Variants in UBR4 observed in about 807,000 individuals in gnomAD.
The protein encoded by UBR4 is E3 ubiquitin-protein ligase UBR4.
Under a neutral mutation model 575.6 loss-of-function variants are expected in UBR4, and 124 were observed. The ratio of observed to expected loss-of-function variants is 0.22; its 90% CI spans 0.19 to 0.25. The LOEUF (loss-of-function observed/expected upper bound fraction) is 0.25, where lower values mean the gene tolerates loss of function less well. Ranked by LOEUF, UBR4 falls within the 10% of genes least tolerant of loss-of-function variation. The pLI, the probability that UBR4 is intolerant of heterozygous loss-of-function variation, is 1.00. For synonymous variants in UBR4, 2,455 were observed against 2,473.7 expected (o/e 0.99, Z 0.22); for missense variants, 4,818 against 6,478.8 (o/e 0.74, Z 8.80).
In UBR4 at chr1:19,104,133, G is replaced by A. The variant is rs1435734217; in HGVS notation, c.12852C>T (p.Ile4284=). The stretch of plus-strand genomic sequence containing the variant: ...CCAGCAGCATGTCCTGCGTCTCATC[G>A]ATCAGCTTGGTCCTCTGCACCACCA... The part of the protein sequence containing the change: ...RKLVVQRTKL[I]DETQDMLLEM... The change falls in exon 87 of 106, where the codon ATC becomes ATT. Residue 4284 remains isoleucine (I), a synonymous_variant. Coordinates refer to ENST00000375254, the MANE Select transcript of UBR4 (RefSeq NM_020765.3). 11 of 1,614,054 alleles carry A rather than the reference G, an allele frequency of 6.8e-6. 1 individual carries two copies. The highest frequency in any genetic ancestry group is 2.2e-5 in the East Asian group (1 of 44,888).
chr1:19,141,203 C>T, intron 57 of UBR4, 144 bp downstream of exon 57: 1 of 1,120,770 alleles, frequency 8.9e-7, no homozygotes, highest in South Asian at 1.5e-5. Context: ...TCACTCTCCA[C>T]CTGTATCTCT....
In UBR4 at chr1:19,184,003, C is replaced by T. The variant is rs780045061; in HGVS notation, c.2098+13G>A. 6.2e-7 allele frequency: 1 copy of T among 1,614,014 alleles called. No individual in the cohort carries two copies. The highest frequency in any genetic ancestry group is 1.3e-5 in the African/African-American group (1 of 74,926). On this transcript the variant is annotated intron_variant, in intron 16 of 105. Transcript: ENST00000375254. The stretch of plus-strand genomic sequence containing the variant: ...GAAAAAAAATCCATCAGGCACATAT[C>T]TTGTCTACTGACCCTTGAGTCCATC...
At chr1:19,136,914 C>T (rs1049410249) in intron 60 of UBR4, among the ~76,000 whole-genome samples, 5 of 152,070 alleles carry the variant, frequency 3.3e-5, no homozygotes, top group Non-Finnish European at 5.9e-5. Context: ...ATTCGGGGAA[C>T]GTGGAAGGCA....
intron 34 of UBR4, among the ~76,000 whole-genome samples, chr1:19,163,408 G>A (rs2087730478): frequency 6.6e-6 from 1 of 152,220 alleles, no homozygotes; most frequent in Non-Finnish European, 1.5e-5. Context: ...AGCTGAGGAG[G>A]CTGTATTTGG....
At chr1:19,142,084 C>T (rs534421706) in intron 55 of UBR4, among the ~76,000 whole-genome samples, 19 of 152,334 alleles carry the variant, frequency 1.2e-4, no homozygotes, top group African/African-American at 4.6e-4. Context: ...AACCAGTAGG[C>T]CTCCCAAACT....
chr1:19,177,349 A>G, intron 19 of UBR4, 112 bp downstream of exon 19: 2 of 1,414,320 alleles, frequency 1.4e-6, no homozygotes, highest in South Asian at 2.7e-5. Flanking sequence ...TCAACCTACC[A>G]AAACCTAAAA....
rs758487292 is a variant in UBR4, at chr1:19,177,658, G to A, written c.2440C>T (p.Leu814Phe). ...GTGAAATTGTGGAAAATGAGGAGGAGCATCTGCAGGTGTTCTACATTCAGA... is the reference window on the plus strand; with the variant it reads ...GTGAAATTGTGGAAAATGAGGAGGAACATCTGCAGGTGTTCTACATTCAGA... ...EDLNVEHLQMLLLIFHNFTET... is the reference protein window; with the variant it reads ...EDLNVEHLQMFLLIFHNFTET... The change falls in exon 19 of 106, where the codon CTC (leucine) becomes TTC (phenylalanine). Residue 814 changes from leucine to phenylalanine, a missense_variant. Transcript: ENST00000375254. The A allele has an allele frequency of 1.9e-6, 3 of 1,614,118 alleles. No homozygotes were observed. The highest frequency in any genetic ancestry group is 2.7e-5 in the African/African-American group (2 of 75,020).
rs951950811 is a variant in UBR4 at position 19,138,016 on chromosome 1, G to A, written c.8897C>T (p.Thr2966Ile). 1 of 1,552,280 alleles carries A rather than the reference G, an allele frequency of 6.4e-7. No homozygotes were observed. Among genetic ancestry groups the A allele is most frequent in the African/African-American group, 1.4e-5 (1 of 73,758 alleles). ...GEGETEGDVH[T>I]SNRLHMVRLM... ...AGGACTAGGTCTTGACCTGTTGCTAGTGTGGACATCTCCTTCAGTTTCTCC... is the reference window on the plus strand; with the variant it reads ...AGGACTAGGTCTTGACCTGTTGCTAATGTGGACATCTCCTTCAGTTTCTCC... The change falls in exon 60 of 106, where the codon ACT (threonine) becomes ATT (isoleucine). Residue 2966 changes from threonine (T) to isoleucine (I), a missense_variant. This residue lies in a region of UBR4 where 87 missense variants were observed against 82.8 expected (regional missense o/e 1.05). Transcript: ENST00000375254.
chr1:19,139,919 G>A lies in UBR4; in HGVS notation c.8594-699C>T, dbSNP rs1266117444. Among the ~76,000 whole-genome samples the A allele has an allele frequency of 6.6e-6, 1 of 152,126 alleles. No homozygotes were observed. On this transcript the variant is annotated intron_variant, in intron 58 of 105. Transcript: ENST00000375254. This position sits in a 1 kb window ranked among gnomAD's most constrained non-coding sequence, Gnocchi z 4.2. ...AAAATGCTGGATGAGATACATGGGGGAGGAAAGCCAAGACAGCCACAGAGC... is the reference window on the plus strand; with the variant it reads ...AAAATGCTGGATGAGATACATGGGGAAGGAAAGCCAAGACAGCCACAGAGC...
intron 102 of UBR4, among the ~76,000 whole-genome samples, chr1:19,083,408 T>C (rs1044587044): frequency 2.0e-5 from 3 of 152,208 alleles, no homozygotes; most frequent in Non-Finnish European, 2.9e-5. Context: ...GCCTAAACTG[T>C]GCTGCAGCTA....
At chr1:19,115,822 T>C (rs2080454646) in intron 73 of UBR4, among the ~76,000 whole-genome samples, 185 bp from the exon 74 acceptor site, 1 of 152,126 alleles carries the variant, frequency 6.6e-6, no homozygotes, top group Non-Finnish European at 1.5e-5. Context: ...CTTTTCTCTA[T>C]AAAAAAAGGA....
rs1571184658 is a variant in UBR4 at position 19,152,516 on chromosome 1, C to T, written c.6833-40G>A. On this transcript the variant is annotated intron_variant, in intron 46 of 105. Coordinates refer to ENST00000375254, the MANE Select transcript of UBR4 (RefSeq NM_020765.3). The surrounding 1 kb of genome is among the most constrained non-coding windows in gnomAD (Gnocchi z 4.4). ...ACCAGATCGTCAAGAGTCTCTCCCA[C>T]CTCTGCCCCAACACCACTGGTAAAG... 3 of 1,611,074 alleles carry T rather than the reference C, an allele frequency of 1.9e-6. No homozygotes were observed. Among genetic ancestry groups the T allele is most frequent in the Admixed American group, 3.3e-5 (2 of 59,974 alleles).
chr1:19,121,278 G>A lies in UBR4; in HGVS notation c.10052C>T (p.Pro3351Leu). Residue 3351 changes from proline (P) to leucine (L), a missense_variant, in exon 68 of 106, where the codon CCT becomes CTT. By Grantham distance (98) the Pro-to-Leu change is moderately conservative. This residue lies in a region of UBR4 where 550 missense variants were observed against 791.5 expected (regional missense o/e 0.69). Transcript: ENST00000375254. ...GGCTTGTCCAGAACTGGCAGCCACAGGGGCTGAGGAGGAAGAAGCACTGGA... is the reference window on the plus strand; with the variant it reads ...GGCTTGTCCAGAACTGGCAGCCACAAGGGCTGAGGAGGAAGAAGCACTGGA... ...GSSSASSSSA[P>L]VAASSGQATT... The A allele has an allele frequency of 6.2e-7, 1 of 1,614,172 alleles. No individual in the cohort carries two copies. The highest frequency in any genetic ancestry group is 1.3e-5 in the African/African-American group (1 of 75,060).
At position 19,088,678 on chromosome 1, in the gene UBR4, G is replaced by T; in HGVS notation, c.14430+81C>A. 1 of 1,461,410 alleles carries T rather than the reference G, an allele frequency of 6.8e-7. No homozygotes were observed. The highest frequency in any genetic ancestry group is 9.5e-7 in the Non-Finnish European group (1 of 1,052,630). The allele number at this position is 1,461,410 out of a possible 1,614,324, so 90.5% of individuals were successfully genotyped here. On this transcript the variant is annotated intron_variant, in intron 98 of 105. Transcript: ENST00000375254. This position sits in a 1 kb window ranked among gnomAD's most constrained non-coding sequence, Gnocchi z 4.0. ...CTGTCCAGCCTTCTCTTTCCCCATG[G>T]CCAACCCCAGGGCTGTCCCATGGCC...
intron 84 of UBR4, 135 bp from the exon 85 acceptor site, chr1:19,105,324 A>G: frequency 9.3e-7 from 1 of 1,078,960 alleles, no homozygotes; most frequent in Non-Finnish European, 1.3e-6. Flanking sequence ...GTGGAGGAAC[A>G]GCATCCAAGA....
chr1:19,156,481 C>A (rs1363748123), intron 41 of UBR4, 58 bp from the exon 42 acceptor site: 24 of 1,581,314 alleles, frequency 1.5e-5, no homozygotes, highest in Non-Finnish European at 1.7e-6. Flanking sequence ...TGGGCTAATT[C>A]ATTTCAGAGT....
At chr1:19,086,950 G>A (rs1570271448) in intron 99 of UBR4, 129 bp from the exon 100 acceptor site, 16 of 1,301,910 alleles carry the variant, frequency 1.2e-5, no homozygotes, top group Non-Finnish European at 1.6e-5. Flanking sequence ...CACTAGGGAA[G>A]TTCAGAAGAG....
chr1:19,172,796 T>C, intron 25 of UBR4, 68 bp downstream of exon 25: 1 of 1,489,362 alleles, frequency 6.7e-7, no homozygotes, highest in Non-Finnish European at 9.3e-7. Context: ...TGTCAAATTC[T>C]GAGTCAATGC....
At chr1:19,165,393 G>C (rs2088168442) in intron 30 of UBR4, 44 bp from the exon 31 acceptor site, 1 of 1,505,530 alleles carries the variant, frequency 6.6e-7, no homozygotes, top group Non-Finnish European at 9.2e-7. Flanking sequence ...TCACATTAAA[G>C]CCCCACATAA....
Sources: allele counts gnomAD v4.1 joint callset (sites outside exome capture counted in the v4.1 genomes callset), GRCh38; gene constraint gnomAD v4.1.1; regional missense constraint gnomAD v4.1.1; non-coding constraint Gnocchi (gnomAD v3.1); transcripts MANE v1.5; gene names NCBI Gene and HGNC (gene_info 2026-07-23, HGNC 2026-07-21).